Variants in ADAMTSL1 observed in about 807,000 individuals in gnomAD.
ADAMTSL1 encodes the protein ADAMTS-like protein 1.
A neutral mutation model predicts 201.8 loss-of-function variants in ADAMTSL1; 126 were observed. That is an observed-to-expected ratio of 0.62 (90% CI 0.54 to 0.72). The LOEUF (loss-of-function observed/expected upper bound fraction) is 0.72. ADAMTSL1 is among the 30% of genes least tolerant of loss of function. The pLI is 0.00. For synonymous variants in ADAMTSL1, 1,121 were observed against 903.4 expected (o/e 1.24, Z -4.32); for missense variants, 2,679 against 2,277.8 (o/e 1.18, Z -3.59).
At chr9:18,200,036 C>G (rs1228048131) in intron 2 of ADAMTSL1, among the ~76,000 whole-genome samples, 1 of 152,066 alleles carries the variant, frequency 6.6e-6, no homozygotes, top group Non-Finnish European at 1.5e-5. Flanking sequence ...CTTAGCTAAA[C>G]TTCCCCAAAG....
At chr9:18,731,488 G>A (rs896657112) in intron 15 of ADAMTSL1, among the ~76,000 whole-genome samples, 14 of 152,046 alleles carry the variant, frequency 9.2e-5, no homozygotes, top group South Asian at 2.1e-4. Flanking sequence ...AAAATTAGCC[G>A]GCCACAGTGG....
intron 1 of ADAMTSL1, among the ~76,000 whole-genome samples, chr9:18,073,952 C>T (rs1224613033): frequency 1.3e-5 from 2 of 149,502 alleles, no homozygotes; most frequent in African/African-American, 5.0e-5. Context: ...GGTTATCAGC[C>T]TGTTTCATGC....
At chr9:18,432,077 A>G (rs1177852612) in intron 2 of ADAMTSL1, among the ~76,000 whole-genome samples, 1 of 152,204 alleles carries the variant, frequency 6.6e-6, no homozygotes, top group Non-Finnish European at 1.5e-5. Context: ...TGTGACATAT[A>G]TCTCTTTAAA....
Position 18,795,367 on chromosome 9 carries a change from C to A in ADAMTSL1, c.3678-30C>A, listed in dbSNP as rs748712712. 4 of 1,612,448 alleles carry A rather than the reference C, an allele frequency of 2.5e-6. No individual in the cohort carries two copies. The Admixed American group carries it at 6.7e-5, about 27-fold the overall frequency. On this transcript the variant is annotated intron_variant, in intron 19 of 28. Coordinates refer to ENST00000380548, the MANE Select transcript of ADAMTSL1 (RefSeq NM_001040272.6). ...CCAAAAAGGAGTCAACTGACTTGACCAGGTCTATATTTCTTTTCTGTCGCT... is the reference window on the plus strand; with the variant it reads ...CCAAAAAGGAGTCAACTGACTTGACAAGGTCTATATTTCTTTTCTGTCGCT...
intron 9 of ADAMTSL1, among the ~76,000 whole-genome samples, chr9:18,671,238 C>A (rs183385508): frequency 6.6e-6 from 1 of 151,926 alleles, no homozygotes; most frequent in Non-Finnish European, 1.5e-5. Context: ...AGAAGGAGAG[C>A]GAATTTCTGG....
At chr9:18,184,178 A>T (rs1172723231) in intron 2 of ADAMTSL1, among the ~76,000 whole-genome samples, 1 of 152,194 alleles carries the variant, frequency 6.6e-6, no homozygotes, top group Non-Finnish European at 1.5e-5. Context: ...TTCACCAGAT[A>T]ACTGCTCCAA....
At position 18,248,785 on chromosome 9, in the gene ADAMTSL1, G is replaced by C. The variant is rs1831356232; in HGVS notation, c.207+84804G>C. 2.0e-5 allele frequency among the ~76,000 whole-genome samples: 3 copies of C among 152,104 alleles called. 1 individual carries two copies. Among genetic ancestry groups the C allele is most frequent in the African/African-American group, 7.2e-5 (3 of 41,392 alleles). ...TCCAATTCCGATTCACTCTCTGACT[G>C]TCTCTCCCTCAATCTCTCTCTCTCA... On this transcript the variant is annotated intron_variant, in intron 2 of 29. Transcript: ENST00000680146.
At position 17,941,373 on chromosome 9, in the gene ADAMTSL1, C is replaced by T. The variant is rs75673681; in HGVS notation, c.87+34451C>T. On this transcript the variant is annotated intron_variant, in intron 1 of 29. Transcript: ENST00000680146. ...CACAGCAGCCAGTGATGTAGTTAGC[C>T]AGTGTTACCTAAAAAGGCTTTGAGC... is the stretch of plus-strand genomic sequence containing the variant. 7.0e-3 allele frequency among the ~76,000 whole-genome samples: 1,061 copies of T among 152,190 alleles called. 29 individuals are homozygous for T. Among genetic ancestry groups the T allele is most frequent in the Admixed American group, 0.049 (755 of 15,258 alleles).
chr9:18,176,255 C>T (rs144403372), intron 2 of ADAMTSL1, among the ~76,000 whole-genome samples: 1 of 151,966 alleles, frequency 6.6e-6, no homozygotes, highest in East Asian at 1.9e-4. Flanking sequence ...ATGTTTGACA[C>T]TACTTTGTTT....
intron 3 of ADAMTSL1, among the ~76,000 whole-genome samples, chr9:18,548,377 C>T (rs932410630): frequency 6.6e-6 from 1 of 151,920 alleles, no homozygotes; most frequent in Non-Finnish European, 1.5e-5. Flanking sequence ...AAAATGGCCC[C>T]GAAGCATATG....
intron 1 of ADAMTSL1, among the ~76,000 whole-genome samples, chr9:18,481,012 A>T (rs1353529295): frequency 6.6e-6 from 1 of 152,144 alleles, no homozygotes; most frequent in Non-Finnish European, 1.5e-5. Flanking sequence ...GGGGAAGGCG[A>T]ATATAACAGA....
intron 2 of ADAMTSL1, among the ~76,000 whole-genome samples, chr9:18,240,019 C>G (rs1005566144): frequency 1.3e-5 from 2 of 152,164 alleles, no homozygotes; most frequent in African/African-American, 4.8e-5. Context: ...TTCTTCCAAA[C>G]TACTATTGTT....
intron 2 of ADAMTSL1, among the ~76,000 whole-genome samples, chr9:18,430,650 A>G (rs1390156074): frequency 6.6e-6 from 1 of 152,220 alleles, no homozygotes; most frequent in Non-Finnish European, 1.5e-5. Context: ...CAACTAAAAG[A>G]GGCTTGTGAA....
chr9:18,327,643 T>G (rs1834879065), intron 2 of ADAMTSL1, among the ~76,000 whole-genome samples: 1 of 152,200 alleles, frequency 6.6e-6, no homozygotes, highest in South Asian at 2.1e-4. Flanking sequence ...GGTTCCCAGT[T>G]CTTGTTCCAA....
intron 2 of ADAMTSL1, among the ~76,000 whole-genome samples, chr9:18,398,217 C>A (rs1817828410): frequency 6.6e-6 from 1 of 152,140 alleles, no homozygotes; most frequent in African/African-American, 2.4e-5. Flanking sequence ...TACCCTGATG[C>A]TTCATGTAAC....
chr9:18,801,649 G>GT (rs1180556747), intron 20 of ADAMTSL1, among the ~76,000 whole-genome samples: 12 of 152,156 alleles, frequency 7.9e-5, no homozygotes, highest in Non-Finnish European at 1.8e-4. Context: ...TTCTGTTCCT[G>GT]TATTAGTTTG....
intron 3 of ADAMTSL1, among the ~76,000 whole-genome samples, chr9:18,553,282 A>G (rs1296001738): frequency 8.2e-6 from 1 of 121,234 alleles, no homozygotes; most frequent in Non-Finnish European, 1.8e-5. Flanking sequence ...ATCCATTTCT[A>G]TTTTTTTACT....
intron 2 of ADAMTSL1, among the ~76,000 whole-genome samples, chr9:18,525,183 T>A (rs1228282457): frequency 1.3e-5 from 2 of 152,208 alleles, no homozygotes; most frequent in African/African-American, 4.8e-5. Context: ...GGTGTATGTG[T>A]CCAGGAATTT....
chr9:18,602,844 G>A (rs946512657), intron 4 of ADAMTSL1, among the ~76,000 whole-genome samples: 3 of 152,174 alleles, frequency 2.0e-5, no homozygotes, highest in African/African-American at 7.2e-5. Flanking sequence ...GTCGGACAAT[G>A]AGAACTGGCA....
Sources: allele counts gnomAD v4.1 joint callset (sites outside exome capture counted in the v4.1 genomes callset), GRCh38; gene constraint gnomAD v4.1.1; transcripts MANE v1.5; gene names NCBI Gene and HGNC (gene_info 2026-07-23, HGNC 2026-07-21).